The following SDK1 variants were observed in gnomAD, a reference collection of about 807,000 sequenced individuals.
The protein encoded by SDK1 is protein sidekick-1.
A neutral mutation model predicts 245.5 loss-of-function variants in SDK1; 157 were observed. That is an observed-to-expected ratio of 0.64 (90% CI 0.56 to 0.73). The LOEUF is 0.73. Among genes scored for constraint, SDK1 ranks in the 30% least tolerant of loss-of-function variants. SDK1 has a pLI of 0.00. For missense variants in SDK1, 3,583 were observed against 3,002.3 expected (o/e 1.19, Z -4.52); for synonymous variants, 1,647 against 1,278.5 (o/e 1.29, Z -6.15).
chr7:3,527,642 G>T (rs1414597078), intron 1 of SDK1, among the ~76,000 whole-genome samples: 1 of 151,458 alleles, frequency 6.6e-6, no homozygotes, highest in African/African-American at 2.4e-5. Flanking sequence ...GGGGTGAGTG[G>T]TGGGAGGTGA....
chr7:3,844,095 C>G (rs958805253), intron 5 of SDK1, among the ~76,000 whole-genome samples: 2 of 152,124 alleles, frequency 1.3e-5, no homozygotes, highest in Non-Finnish European at 2.9e-5. Flanking sequence ...CTCAGCTTCT[C>G]AAGTAGCTGG....
intron 4 of SDK1, among the ~76,000 whole-genome samples, chr7:3,816,685 C>T (rs1779515820): frequency 6.6e-6 from 1 of 152,166 alleles, no homozygotes; most frequent in Admixed American, 6.5e-5. Flanking sequence ...GAATTGAAAG[C>T]AATTTTAGTT....
intron 4 of SDK1, among the ~76,000 whole-genome samples, chr7:3,700,903 T>C (rs765036472): frequency 7.2e-5 from 11 of 152,154 alleles, no homozygotes; most frequent in Non-Finnish European, 1.3e-4. Flanking sequence ...GTGGGTATTA[T>C]AGGAACCCAT....
intron 1 of SDK1, among the ~76,000 whole-genome samples, chr7:3,604,623 A>G (rs1781362019): frequency 9.0e-6 from 1 of 110,692 alleles, no homozygotes; most frequent in East Asian, 2.4e-4. Context: ...TTTTTTTGAG[A>G]CAGAGTTTTG....
chr7:3,474,062 C>T lies in SDK1; in HGVS notation c.299-145018C>T, dbSNP rs543747002. Among the ~76,000 whole-genome samples, 21 of 143,606 alleles carry T rather than the reference C, an allele frequency of 1.5e-4. No individual in the cohort carries two copies. The East Asian group carries it at 4.3e-3, about 29-fold the overall frequency. The allele number at this position is 143,606 out of a possible 152,430, so 94.2% of individuals were successfully genotyped here. A position where few individuals can be genotyped will look rare whatever the true frequency, so the allele number is the denominator to read the frequency against. On this transcript the variant is annotated intron_variant, in intron 1 of 44. Transcript: ENST00000404826. Reference sequence around the variant, plus strand: ...TGGTATCATGCGCCTGTCCCTTTACCTGTCAACTTGACATCTCTACCAGAT... The same window carrying T: ...TGGTATCATGCGCCTGTCCCTTTACTTGTCAACTTGACATCTCTACCAGAT...
At chr7:3,851,381 GTATT>G (rs765210960) in intron 5 of SDK1, among the ~76,000 whole-genome samples, 74 of 151,944 alleles carry the variant, frequency 4.9e-4, no homozygotes, top group African/African-American at 1.4e-3. Flanking sequence ...AATAATATAA[GTATT>G]TAGCATATTT....
At chr7:3,755,962 A>G (rs1419375966) in intron 4 of SDK1, among the ~76,000 whole-genome samples, 1 of 151,800 alleles carries the variant, frequency 6.6e-6, no homozygotes, top group Non-Finnish European at 1.5e-5. Context: ...GACTCCTTTC[A>G]CATGGCATAG....
At chr7:4,024,912 A>G (rs1787214353) in intron 17 of SDK1, among the ~76,000 whole-genome samples, 1 of 149,794 alleles carries the variant, frequency 6.7e-6, no homozygotes, top group Non-Finnish European at 1.5e-5. Flanking sequence ...TGTGGAATAG[A>G]AAAGACATGG....
intron 4 of SDK1, among the ~76,000 whole-genome samples, chr7:3,783,758 A>T (rs1220197501): frequency 6.6e-6 from 1 of 152,234 alleles, no homozygotes; most frequent in African/African-American, 2.4e-5. Flanking sequence ...AAGAATTAAT[A>T]TTGTTAAATG....
chr7:3,627,140 G>A (rs145398882), intron 2 of SDK1, among the ~76,000 whole-genome samples: 91 of 152,090 alleles, frequency 6.0e-4, no homozygotes, highest in African/African-American at 2.2e-3. Flanking sequence ...TGTTGCCGAG[G>A]CTCGTCTCAA....
At chr7:3,960,390 A>G (rs11974050) in intron 8 of SDK1, among the ~76,000 whole-genome samples, 46,445 of 152,230 alleles carry the variant, frequency 0.31, 7,381 homozygotes, top group Middle Eastern at 0.42. Context: ...CCAGAACACT[A>G]GCTTCCCCCA....
At position 3,501,238 on chromosome 7, in the gene SDK1, A is replaced by G. The variant is rs575035940; in HGVS notation, c.299-117842A>G. The stretch of plus-strand genomic sequence containing the variant: ...TATCTTTTCTTAGTATCTTTAGAGA[A>G]TTCCTCTTGGACTGATTAGATTCCT... On this transcript the variant is annotated intron_variant, in intron 1 of 44. Coordinates refer to ENST00000404826, the MANE Select transcript of SDK1 (RefSeq NM_152744.4). Among the ~76,000 whole-genome samples the G allele has an allele frequency of 2.4e-3, 371 of 152,202 alleles. 3 individuals are homozygous for G. Among genetic ancestry groups the G allele is most frequent in the South Asian group, 0.018 (87 of 4,830 alleles).
intron 1 of SDK1, among the ~76,000 whole-genome samples, chr7:3,321,941 C>G (rs1779825581): frequency 6.6e-6 from 1 of 150,506 alleles, no homozygotes; most frequent in Non-Finnish European, 1.5e-5. Flanking sequence ...TCTGCTTATA[C>G]CTTTGTTCCC....
At chr7:3,533,039 C>T (rs1221025711) in intron 1 of SDK1, among the ~76,000 whole-genome samples, 1 of 152,184 alleles carries the variant, frequency 6.6e-6, no homozygotes, top group African/African-American at 2.4e-5. Flanking sequence ...AAAATCAAAA[C>T]AGTCCAATTA....
chr7:3,734,796 T>C, intron 4 of SDK1, among the ~76,000 whole-genome samples: 1 of 152,230 alleles, frequency 6.6e-6, no homozygotes, highest in Admixed American at 6.5e-5. Context: ...GCCTCTGTCT[T>C]ATAAACAGAT....
intron 4 of SDK1, among the ~76,000 whole-genome samples, chr7:3,819,018 A>G (rs1451237987): frequency 3.3e-5 from 5 of 152,332 alleles, no homozygotes; most frequent in South Asian, 2.1e-4. Flanking sequence ...GTCTTTAAAT[A>G]TGGTTTTCTT....
intron 1 of SDK1, among the ~76,000 whole-genome samples, chr7:3,328,069 C>A (rs74516795): frequency 2.6e-5 from 4 of 152,014 alleles, no homozygotes; most frequent in Non-Finnish European, 5.9e-5. Flanking sequence ...CTAAAAATAA[C>A]GTGTTACTGG....
chr7:3,937,645 A>G (rs1479361282), intron 5 of SDK1, among the ~76,000 whole-genome samples: 2 of 152,168 alleles, frequency 1.3e-5, no homozygotes, highest in Non-Finnish European at 2.9e-5. Context: ...TCTCGTTTCA[A>G]CTTTGAAAAG....
chr7:4,245,853 C>A, intron 44 of SDK1, 48 bp downstream of exon 44: 1 of 1,608,166 alleles, frequency 6.2e-7, no homozygotes, highest in Non-Finnish European at 8.5e-7. Context: ...GCCCCTACTT[C>A]TGCAGTGAGA....
Sources: allele counts gnomAD v4.1 joint callset (sites outside exome capture counted in the v4.1 genomes callset), GRCh38; gene constraint gnomAD v4.1.1; transcripts MANE v1.5; gene names NCBI Gene and HGNC (gene_info 2026-07-23, HGNC 2026-07-21).